Variants in LCK observed in about 807,000 individuals in gnomAD.
LCK encodes the protein LCK proto-oncogene, Src family tyrosine kinase, also known as tyrosine-protein kinase Lck.
Under a neutral mutation model 64.6 loss-of-function variants are expected in LCK, and 14 were observed. That is an observed-to-expected ratio of 0.22 (90% CI 0.14 to 0.34). The LOEUF is 0.34. Ranked by LOEUF, LCK falls within the 10% of genes least tolerant of loss-of-function variation. The pLI, the probability that LCK is intolerant of heterozygous loss-of-function variation, is 1.00. For missense variants in LCK, 434 were observed against 668.1 expected (o/e 0.65, Z 3.86); for synonymous variants, 277 against 263.6 (o/e 1.05, Z -0.49).
intron 1 of LCK, among the ~76,000 whole-genome samples, chr1:32,252,263 C>T (rs1326198403): frequency 1.3e-5 from 2 of 152,166 alleles, no homozygotes; most frequent in Non-Finnish European, 2.9e-5. Context: ...TCCCCTCGCC[C>T]CTGGCTCCCT....
At chr1:32,262,048 T>A (rs1341322882) in intron 1 of LCK, among the ~76,000 whole-genome samples, 1 of 146,904 alleles carries the variant, frequency 6.8e-6, no homozygotes, top group Non-Finnish European at 1.5e-5. Context: ...CACACCCAGA[T>A]AATCTTTGTA....
Position 32,277,015 on chromosome 1 carries a change from G to A in LCK, c.964+229G>A, listed in dbSNP as rs1177290966. The A allele has an allele frequency of 1.7e-5, 6 of 349,568 alleles. No homozygotes were observed. In the East Asian group the frequency reaches 2.7e-4, roughly 15 times the overall value. The allele number at this position is 349,568 out of a possible 1,614,324, so 21.7% of individuals were successfully genotyped here. On this transcript the variant is annotated intron_variant, in intron 9 of 12. Coordinates refer to ENST00000336890, the MANE Select transcript of LCK (RefSeq NM_005356.5). ...TCACGAGGTCAGGAGTTCGAGACCA[G>A]CCTGACCAATATGGTGAAACTCTGT... is the stretch of plus-strand genomic sequence containing the variant.
chr1:32,268,176 A>G (rs1639977724), intron 1 of LCK, among the ~76,000 whole-genome samples: 1 of 152,278 alleles, frequency 6.6e-6, no homozygotes, highest in South Asian at 2.1e-4. Context: ...CCTGGGAGAC[A>G]GAGTGAGACT....
rs141329772 is a variant in LCK at position 32,268,462 on chromosome 1, A to G, written c.-5-5863A>G. Among the ~76,000 whole-genome samples, 1,076 of 151,504 alleles carry G rather than the reference A, an allele frequency of 7.1e-3. 12 individuals are homozygous for G. The highest frequency in any genetic ancestry group is 0.025 in the African/African-American group (1,040 of 41,398). Reference sequence around the variant, plus strand: ...CAAGCACCTGGGATTATAGGCATGCACCACCATGCCCAGCTAGTTTTTATA... The same window carrying G: ...CAAGCACCTGGGATTATAGGCATGCGCCACCATGCCCAGCTAGTTTTTATA... On this transcript the variant is annotated intron_variant, in intron 1 of 12. Coordinates refer to ENST00000336890, the MANE Select transcript of LCK (RefSeq NM_005356.5).
At position 32,281,300 on chromosome 1, in the gene LCK, A is replaced by G. The variant is rs1400579474; in HGVS notation, c.1327+1090A>G. On this transcript the variant is annotated intron_variant, in intron 12 of 12. Coordinates refer to ENST00000336890, the MANE Select transcript of LCK (RefSeq NM_005356.5). ...AAAAAAAAACAAACAAACAAAAAAA[A>G]CATTTAAAAATTAGCTGGGCATGGT... Among the ~76,000 whole-genome samples the G allele has an allele frequency of 3.3e-5, 5 of 151,450 alleles. No individual in the cohort carries two copies. The South Asian group carries it at 6.2e-4, about 19-fold the overall frequency.
In LCK at chr1:32,275,780, G is replaced by A. The variant is rs1640246956; in HGVS notation, c.481+108G>A. The A allele has an allele frequency of 2.1e-6, 3 of 1,400,482 alleles. No homozygotes were observed. Among genetic ancestry groups the A allele is most frequent in the East Asian group, 2.4e-5 (1 of 41,376 alleles). 86.8% of individuals were successfully genotyped at this position (1,400,482 alleles called of 1,614,324 possible). A position where few individuals can be genotyped will look rare whatever the true frequency, so the allele number is the denominator to read the frequency against. On this transcript the variant is annotated intron_variant, in intron 6 of 12. Transcript: ENST00000336890. This position sits in a 1 kb window ranked among gnomAD's most constrained non-coding sequence, Gnocchi z 6.9. Reference sequence around the variant, plus strand: ...GACACGGGGTGAGTCGGAGGGGGACGCGGGATGAGCCCGAGGTGGGGGCGC... The same window carrying A: ...GACACGGGGTGAGTCGGAGGGGGACACGGGATGAGCCCGAGGTGGGGGCGC...
intron 1 of LCK, among the ~76,000 whole-genome samples, chr1:32,252,410 T>C (rs187214262): frequency 9.7e-4 from 147 of 152,270 alleles, no homozygotes; most frequent in African/African-American, 3.4e-3. Context: ...AGCCTTAATT[T>C]TTTTGGGAAG....
intron 9 of LCK, among the ~76,000 whole-genome samples, chr1:32,277,471 G>GC (rs1640317906): frequency 6.6e-6 from 1 of 152,044 alleles, no homozygotes; most frequent in Admixed American, 6.6e-5. Flanking sequence ...GGGCAGATCT[G>GC]CCCCCAAAGC....
At chr1:32,283,354 T>A (rs186529435) in intron 12 of LCK, among the ~76,000 whole-genome samples, 13 of 151,352 alleles carry the variant, frequency 8.6e-5, no homozygotes, top group Middle Eastern at 3.4e-3. Context: ...GTACAAGTCC[T>A]GGGGAAAAAG....
chr1:32,263,036 T>C (rs996513937), intron 1 of LCK, among the ~76,000 whole-genome samples: 2 of 152,080 alleles, frequency 1.3e-5, no homozygotes, highest in Non-Finnish European at 2.9e-5. Context: ...GACTAGGGCA[T>C]GTAATGTTCT....
At chr1:32,260,603 G>A (rs910706639) in intron 1 of LCK, among the ~76,000 whole-genome samples, 1 of 152,082 alleles carries the variant, frequency 6.6e-6, no homozygotes, top group Non-Finnish European at 1.5e-5. Context: ...AGTCTTGTCT[G>A]CTGTTTTTTG....
chr1:32,276,749 G>T lies in LCK; in HGVS notation c.927G>T (p.Gln309His). 1.9e-6 allele frequency: 3 copies of T among 1,613,042 alleles called. No homozygotes were observed. The highest frequency in any genetic ancestry group is 2.5e-6 in the Non-Finnish European group (3 of 1,179,454). The change falls in exon 9 of 13, where the codon CAG (glutamine) becomes CAT (histidine). Residue 309 changes from glutamine to histidine, a missense_variant. This residue lies in a region of LCK where 201 missense variants were observed against 376.9 expected (regional missense o/e 0.53). Transcript: ENST00000336890. This position sits in a 1 kb window ranked among gnomAD's most constrained non-coding sequence, Gnocchi z 4.6. ...RLVRLYAVVT[Q>H]EPIYIITEYM... ...TTCGGCTCTACGCTGTGGTCACCCA[G>T]GAGCCCATCTACATCATCACTGAAT...
At chr1:32,266,343 A>T (rs1201300337) in intron 1 of LCK, among the ~76,000 whole-genome samples, 1 of 151,598 alleles carries the variant, frequency 6.6e-6, no homozygotes, top group Non-Finnish European at 1.5e-5. Flanking sequence ...ATACAAAAAA[A>T]AAAAAATAGC....
In LCK at chr1:32,255,415, G is replaced by A. The variant is rs76221898; in HGVS notation, c.-6+4044G>A. On this transcript the variant is annotated intron_variant, in intron 1 of 12. Transcript: ENST00000336890. ...GTCAATGCAAATAGGCATATACTCT[G>A]CATTCTGTTCTGCAACTTGCTTGCC... Among the ~76,000 whole-genome samples the A allele has an allele frequency of 3.7e-4, 56 of 152,344 alleles. 2 individuals are homozygous for A. In the East Asian group the frequency reaches 0.011, roughly 29 times the overall value.
At chr1:32,253,686 G>C (rs1233353151) in intron 1 of LCK, among the ~76,000 whole-genome samples, 1 of 152,188 alleles carries the variant, frequency 6.6e-6, no homozygotes, top group Admixed American at 6.5e-5. Context: ...TCAGCACCTT[G>C]GTGGGCCAGT....
At chr1:32,255,476 T>C (rs958559742) in intron 1 of LCK, among the ~76,000 whole-genome samples, 6 of 152,248 alleles carry the variant, frequency 3.9e-5, no homozygotes, top group Non-Finnish European at 5.9e-5. Flanking sequence ...TGTCAATACA[T>C]GTCAATACAA....
At chr1:32,274,150 C>A in intron 1 of LCK, 175 bp from the exon 2 acceptor site, 3 of 1,377,134 alleles carry the variant, frequency 2.2e-6, no homozygotes, top group Non-Finnish European at 2.9e-6. Context: ...AGAGGGAGCA[C>A]CGGTTTGGAG....
chr1:32,255,452 G>A (rs537997165), intron 1 of LCK, among the ~76,000 whole-genome samples: 9 of 152,128 alleles, frequency 5.9e-5, no homozygotes, highest in Admixed American at 2.6e-4. Flanking sequence ...TGGTGTATGC[G>A]GGATGTCTTT....
intron 1 of LCK, among the ~76,000 whole-genome samples, chr1:32,257,243 T>G (rs558121605): frequency 6.0e-5 from 9 of 151,014 alleles, no homozygotes; most frequent in South Asian, 2.1e-4. Context: ...TTGTTTTTTT[T>G]TTTTTTGTTT....
Sources: allele counts gnomAD v4.1 joint callset (sites outside exome capture counted in the v4.1 genomes callset), GRCh38; gene constraint gnomAD v4.1.1; regional missense constraint gnomAD v4.1.1; non-coding constraint Gnocchi (gnomAD v3.1); transcripts MANE v1.5; gene names NCBI Gene and HGNC (gene_info 2026-07-23, HGNC 2026-07-21).